PXDNL: variants seen among roughly 807,000 people sequenced by gnomAD.
PXDNL encodes the protein probable oxidoreductase PXDNL.
A neutral mutation model predicts 150.8 loss-of-function variants in PXDNL; 145 were observed. That is an observed-to-expected ratio of 0.96 (90% CI 0.84 to 1.10). PXDNL has a LOEUF of 1.10. Ranked by LOEUF, PXDNL falls within the 50% of genes least tolerant of loss-of-function variation. The probability of loss-of-function intolerance (pLI) is 0.00; values close to 1 mark genes in which losing one functional copy is unlikely to be tolerated. For missense variants in PXDNL, 2,087 were observed against 1,873.9 expected (o/e 1.11, Z -2.10); for synonymous variants, 757 against 725.7 (o/e 1.04, Z -0.69).
At chr8:51,447,205 A>C in intron 11 of PXDNL, 43 bp from the exon 12 acceptor site, 2 of 1,593,682 alleles carry the variant, frequency 1.3e-6, no homozygotes, top group Non-Finnish European at 1.7e-6. Context: ...GGCCCAGAGC[A>C]CTGAAAGCCA....
intron 5 of PXDNL, among the ~76,000 whole-genome samples, chr8:51,486,132 T>G (rs1167925277): frequency 6.6e-6 from 1 of 152,190 alleles, no homozygotes; most frequent in Admixed American, 6.5e-5. Flanking sequence ...GGCTGGAAAT[T>G]GCATCCATGA....
At chr8:51,693,513 C>A (rs1463991810) in intron 1 of PXDNL, among the ~76,000 whole-genome samples, 1 of 152,188 alleles carries the variant, frequency 6.6e-6, no homozygotes, top group Non-Finnish European at 1.5e-5. Flanking sequence ...ATGGCTCACA[C>A]CTGTAATCCC....
In PXDNL at chr8:51,377,684, C is replaced by T. The variant is rs140057426; in HGVS notation, c.3558-2953G>A. 7.9e-4 allele frequency among the ~76,000 whole-genome samples: 120 copies of T among 152,320 alleles called. 1 individual carries two copies. In the East Asian group the frequency reaches 0.017, roughly 22 times the overall value. The stretch of plus-strand genomic sequence containing the variant: ...GGGCCAGCAGCTGCGGAGGGTGCAC[C>T]GGGTCCCCCAGCAGTTCTGGCTGGC... On this transcript the variant is annotated intron_variant, in intron 17 of 22. Transcript: ENST00000356297.
chr8:51,668,176 C>CTCTTTTTTTTTTTTTTTT (rs1554564343), intron 1 of PXDNL, among the ~76,000 whole-genome samples: 1 of 77,386 alleles, frequency 1.3e-5, no homozygotes, highest in African/African-American at 5.4e-5. Flanking sequence ...CTCGCTCTCT[C>CTCTTTTTTTTTTTTTTTT]TTTTTTTTTT....
At chr8:51,744,749 AAAG>A (rs2036958047) in intron 1 of PXDNL, among the ~76,000 whole-genome samples, 2 of 21,208 alleles carry the variant, frequency 9.4e-5, no homozygotes, top group Non-Finnish European at 3.1e-4. Flanking sequence ...AGAGAAAAGA[AAAG>A]AGAGAGAAAG....
chr8:51,410,035 T>C (rs1808582405), intron 16 of PXDNL, among the ~76,000 whole-genome samples: 1 of 152,248 alleles, frequency 6.6e-6, no homozygotes, highest in Admixed American at 6.5e-5. Context: ...AGAATTGTTT[T>C]GTTGATTTTT....
chr8:51,411,713 T>C (rs1252127779), intron 15 of PXDNL, among the ~76,000 whole-genome samples: 3 of 152,190 alleles, frequency 2.0e-5, no homozygotes, highest in Non-Finnish European at 4.4e-5. Context: ...GGTTGATGAA[T>C]GGATTATAGG....
intron 1 of PXDNL, among the ~76,000 whole-genome samples, chr8:51,694,701 C>A (rs572350918): frequency 3.3e-5 from 5 of 152,298 alleles, no homozygotes; most frequent in Admixed American, 2.6e-4. Flanking sequence ...AAGCATTAAC[C>A]TCTCTATTCT....
intron 21 of PXDNL, among the ~76,000 whole-genome samples, chr8:51,326,090 A>C (rs566593589): frequency 3.9e-4 from 59 of 152,130 alleles, no homozygotes; most frequent in Admixed American, 5.2e-4. Flanking sequence ...AGAGCATCAC[A>C]TTGTTCCTGG....
chr8:51,616,248 G>A (rs533047194), intron 2 of PXDNL, among the ~76,000 whole-genome samples: 1 of 152,262 alleles, frequency 6.6e-6, no homozygotes, highest in African/African-American at 2.4e-5. Context: ...CTGCACAGAT[G>A]GTTTCTGGTA....
intron 6 of PXDNL, among the ~76,000 whole-genome samples, chr8:51,479,314 T>C (rs1585507285): frequency 6.6e-6 from 1 of 152,156 alleles, no homozygotes; most frequent in South Asian, 2.1e-4. Context: ...ATTGCAAATA[T>C]ACAAAGACAG....
chr8:51,406,975 C>T (rs1372183555), intron 17 of PXDNL, among the ~76,000 whole-genome samples: 2 of 152,162 alleles, frequency 1.3e-5, no homozygotes, highest in Non-Finnish European at 2.9e-5. Flanking sequence ...AGGAATGGGG[C>T]CAAGTATCTG....
At chr8:51,490,727 AGTGT>A (rs35415972) in intron 5 of PXDNL, among the ~76,000 whole-genome samples, 22,344 of 147,078 alleles carry the variant, frequency 0.15, 1,768 homozygotes, top group South Asian at 0.18. Flanking sequence ...TTGACTTTCT[AGTGT>A]GTGTGTGTGT....
At chr8:51,424,585 G>A (rs1160851585) in intron 13 of PXDNL, among the ~76,000 whole-genome samples, 1 of 151,658 alleles carries the variant, frequency 6.6e-6, no homozygotes, top group East Asian at 1.9e-4. Flanking sequence ...CATTTTATAT[G>A]AGCTATTATT....
chr8:51,379,729 C>T lies in PXDNL; in HGVS notation c.3558-4998G>A, dbSNP rs756839402. Among the ~76,000 whole-genome samples the T allele has an allele frequency of 7.3e-4, 111 of 152,132 alleles. 1 individual carries two copies. The highest frequency in any genetic ancestry group is 1.3e-3 in the Non-Finnish European group (85 of 67,956). On this transcript the variant is annotated intron_variant, in intron 17 of 22. Transcript: ENST00000356297. Reference sequence around the variant, plus strand: ...TGTGTACCTTACTAAAAATTTCTTTCTTTCCCCAATGCCATAGAGATATTC... The same window carrying T: ...TGTGTACCTTACTAAAAATTTCTTTTTTTCCCCAATGCCATAGAGATATTC...
chr8:51,507,662 G>A (rs1339409127), intron 4 of PXDNL, among the ~76,000 whole-genome samples: 1 of 152,192 alleles, frequency 6.6e-6, no homozygotes, highest in East Asian at 1.9e-4. Context: ...TAGAGCAATG[G>A]TTTGCAGTGG....
At chr8:51,679,526 G>A (rs1034426504) in intron 1 of PXDNL, among the ~76,000 whole-genome samples, 1 of 152,182 alleles carries the variant, frequency 6.6e-6, no homozygotes, top group African/African-American at 2.4e-5. Context: ...GACATTAAGC[G>A]ACTGACACAT....
intron 1 of PXDNL, among the ~76,000 whole-genome samples, chr8:51,788,179 A>G (rs1048433901): frequency 1.3e-5 from 2 of 152,254 alleles, no homozygotes; most frequent in Non-Finnish European, 2.9e-5. Context: ...TATTAGCTTA[A>G]TTGTAGTTGT....
At chr8:51,800,241 C>A (rs2037604459) in intron 1 of PXDNL, among the ~76,000 whole-genome samples, 1 of 152,090 alleles carries the variant, frequency 6.6e-6, no homozygotes. Context: ...CTGCATGCAA[C>A]ATATTTTATG....
Sources: gnomAD v4.1 joint callset for allele counts (sites outside exome capture counted in the v4.1 genomes callset) on GRCh38, gnomAD v4.1.1 for gene constraint, MANE v1.5 for transcripts, NCBI Gene and HGNC (gene_info 2026-07-23, HGNC 2026-07-21) for gene names.